Variants in ASIC2 observed in about 807,000 individuals in gnomAD.
ASIC2 encodes the protein acid sensing ion channel subunit 2.
ASIC2 carries 25 observed loss-of-function variants against 57.3 expected under a neutral mutation model. That is an observed-to-expected ratio of 0.44 (90% CI 0.32 to 0.61). The LOEUF (loss-of-function observed/expected upper bound fraction) is 0.61, where lower values mean the gene tolerates loss of function less well. ASIC2 is among the 20% of genes least tolerant of loss of function. The pLI, the probability that ASIC2 is intolerant of heterozygous loss-of-function variation, is 0.06. For missense variants in ASIC2, 641 were observed against 738.1 expected, an observed-to-expected ratio of 0.87 and a Z score of 1.52; for synonymous variants, 319 against 307.5, an observed-to-expected ratio of 1.04 and a Z score of -0.39.
At chr17:33,606,007 C>T (rs1239009484) in intron 1 of ASIC2, among the ~76,000 whole-genome samples, 3 of 152,188 alleles carry the variant, frequency 2.0e-5, no homozygotes, top group African/African-American at 7.2e-5. Flanking sequence ...TGATTTCCAG[C>T]TCTCAGTCTC....
At chr17:33,732,469 A>G (rs1001009164) in intron 1 of ASIC2, among the ~76,000 whole-genome samples, 1 of 151,446 alleles carries the variant, frequency 6.6e-6, no homozygotes, top group East Asian at 1.9e-4. Flanking sequence ...CTTTTGTTAC[A>G]TAAAAAGAGT....
intron 1 of ASIC2, among the ~76,000 whole-genome samples, chr17:33,506,094 A>G (rs1914241751): frequency 6.6e-6 from 1 of 152,130 alleles, no homozygotes; most frequent in African/African-American, 2.4e-5. Context: ...GGAGTAAAAG[A>G]TAGAAATGAG....
At chr17:33,727,199 T>TA (rs377382883) in intron 1 of ASIC2, among the ~76,000 whole-genome samples, 10 of 152,002 alleles carry the variant, frequency 6.6e-5, no homozygotes, top group African/African-American at 2.2e-4. Context: ...AAACTATAGC[T>TA]AAAAAAAGAA....
chr17:33,383,250 C>G (rs1333535684), intron 1 of ASIC2, among the ~76,000 whole-genome samples: 1 of 152,154 alleles, frequency 6.6e-6, no homozygotes, highest in Non-Finnish European at 1.5e-5. Context: ...TATACCCTTT[C>G]CTTTCATTAG....
chr17:33,190,789 C>G (rs1397388270), intron 1 of ASIC2, among the ~76,000 whole-genome samples: 3 of 152,042 alleles, frequency 2.0e-5, no homozygotes, highest in African/African-American at 7.2e-5. Context: ...CACTAAGCAC[C>G]ATTATAATGG....
At chr17:33,613,043 G>A (rs1449513911) in intron 1 of ASIC2, among the ~76,000 whole-genome samples, 2 of 152,298 alleles carry the variant, frequency 1.3e-5, no homozygotes, top group East Asian at 3.9e-4. Flanking sequence ...GCTCCAAGGA[G>A]GGAGAGGAAT....
At chr17:33,978,415 T>A (rs1347137273) in intron 1 of ASIC2, among the ~76,000 whole-genome samples, 1 of 152,202 alleles carries the variant, frequency 6.6e-6, no homozygotes, top group Non-Finnish European at 1.5e-5. Flanking sequence ...TGCCTTTCAC[T>A]GACTGTGTGA....
At chr17:33,536,415 G>A (rs73274926) in intron 1 of ASIC2, among the ~76,000 whole-genome samples, 13,574 of 152,260 alleles carry the variant, frequency 0.089, 1,612 homozygotes, top group African/African-American at 0.27. Flanking sequence ...ATGTCATATT[G>A]AAAGTTTTAG....
intron 1 of ASIC2, among the ~76,000 whole-genome samples, chr17:34,113,630 C>T (rs1911344222): frequency 6.6e-6 from 1 of 150,488 alleles, no homozygotes; most frequent in Non-Finnish European, 1.5e-5. Context: ...ATAATCTCAA[C>T]ACTTTAGGCG....
chr17:33,788,761 T>C (rs1056484464), intron 1 of ASIC2, among the ~76,000 whole-genome samples: 1 of 152,178 alleles, frequency 6.6e-6, no homozygotes, highest in African/African-American at 2.4e-5. Flanking sequence ...GGGACATGGA[T>C]GAAACCGGAA....
At chr17:33,357,192 C>G (rs530548246) in intron 1 of ASIC2, among the ~76,000 whole-genome samples, 1 of 152,194 alleles carries the variant, frequency 6.6e-6, no homozygotes, top group South Asian at 2.1e-4. Flanking sequence ...CCAGCTTCCT[C>G]AGGAAGTCCC....
intron 1 of ASIC2, among the ~76,000 whole-genome samples, chr17:33,581,795 T>C (rs1378140744): frequency 6.6e-6 from 1 of 152,200 alleles, no homozygotes; most frequent in African/African-American, 2.4e-5. Flanking sequence ...TCGAAGGCAC[T>C]CTCCCTGTCC....
chr17:33,742,877 C>T (rs985348478), intron 1 of ASIC2, among the ~76,000 whole-genome samples: 4 of 152,194 alleles, frequency 2.6e-5, no homozygotes, highest in Admixed American at 6.5e-5. Flanking sequence ...CCTGCTGGCT[C>T]TCTGGGCCTG....
chr17:33,775,587 T>C (rs1462108235), intron 1 of ASIC2, among the ~76,000 whole-genome samples: 1 of 152,180 alleles, frequency 6.6e-6, no homozygotes, highest in East Asian at 1.9e-4. Context: ...TCCCATAGTG[T>C]GCATCTGTGT....
chr17:33,886,964 CA>C (rs1914843939), intron 1 of ASIC2, among the ~76,000 whole-genome samples: 1 of 151,912 alleles, frequency 6.6e-6, no homozygotes, highest in South Asian at 2.1e-4. Context: ...ACAAAAAAAA[CA>C]AAAAATGCAT....
At chr17:33,603,311 C>G (rs1038725480) in intron 1 of ASIC2, among the ~76,000 whole-genome samples, 1 of 152,182 alleles carries the variant, frequency 6.6e-6, no homozygotes, top group Non-Finnish European at 1.5e-5. Flanking sequence ...GGGGAGAGAG[C>G]CTGATTGGGA....
intron 1 of ASIC2, among the ~76,000 whole-genome samples, chr17:33,413,130 G>C (rs372424080): frequency 5.3e-5 from 8 of 152,180 alleles, no homozygotes; most frequent in Non-Finnish European, 1.2e-4. Context: ...TTTCCCCCGA[G>C]ATGTGTTTCC....
At chr17:34,062,131 G>A (rs1027667416) in intron 1 of ASIC2, among the ~76,000 whole-genome samples, 1 of 151,962 alleles carries the variant, frequency 6.6e-6, no homozygotes, top group Admixed American at 6.6e-5. Flanking sequence ...GACATAAAAC[G>A]AGCCTCAATA....
At chr17:34,126,227 A>G (rs566114142) in intron 1 of ASIC2, among the ~76,000 whole-genome samples, 1 of 152,222 alleles carries the variant, frequency 6.6e-6, no homozygotes, top group South Asian at 2.1e-4. Flanking sequence ...CCTTGATTGG[A>G]TTGTGATGTA....
Sources: gnomAD v4.1 joint callset for allele counts (sites outside exome capture counted in the v4.1 genomes callset) on GRCh38, gnomAD v4.1.1 for gene constraint, MANE v1.5 for transcripts, NCBI Gene and HGNC (gene_info 2026-07-23, HGNC 2026-07-21) for gene names.